SYT9: variants seen among roughly 807,000 people sequenced by gnomAD.
The protein encoded by SYT9 is synaptotagmin-9.
SYT9 carries 22 observed loss-of-function variants against 48.4 expected under a neutral mutation model. That is an observed-to-expected ratio of 0.45 (90% confidence interval 0.32 to 0.65). SYT9 has a LOEUF of 0.65. Ranked by LOEUF, SYT9 falls within the 30% of genes least tolerant of loss-of-function variation. The pLI, the probability that SYT9 is intolerant of heterozygous loss-of-function variation, is 0.03. For missense variants in SYT9, 577 were observed against 622.0 expected (o/e 0.93, Z 0.77); for synonymous variants, 265 against 245.0 (o/e 1.08, Z -0.76).
chr11:7,341,649 T>A (rs1445787401), intron 3 of SYT9, among the ~76,000 whole-genome samples: 3 of 152,090 alleles, frequency 2.0e-5, no homozygotes, highest in Admixed American at 2.0e-4. Context: ...AGTATGAAAA[T>A]GGACTAAGAC....
chr11:7,466,392 T>C (rs1848335234), intron 6 of SYT9, among the ~76,000 whole-genome samples: 1 of 152,142 alleles, frequency 6.6e-6, no homozygotes, highest in Non-Finnish European at 1.5e-5. Flanking sequence ...CCCCAGCATC[T>C]ATTACCATGC....
chr11:7,452,778 C>T (rs1848078482), intron 6 of SYT9, among the ~76,000 whole-genome samples: 1 of 151,942 alleles, frequency 6.6e-6, no homozygotes, highest in Non-Finnish European at 1.5e-5. Flanking sequence ...GAACAGAAAA[C>T]CTAACCCAAA....
chr11:7,464,986 G>T (rs1434054934), intron 6 of SYT9, among the ~76,000 whole-genome samples: 1 of 151,886 alleles, frequency 6.6e-6, no homozygotes, highest in Non-Finnish European at 1.5e-5. Context: ...TACTCAGGAG[G>T]CTGAGGCAGG....
At chr11:7,373,788 A>C (rs1185257955) in intron 3 of SYT9, among the ~76,000 whole-genome samples, 1 of 152,032 alleles carries the variant, frequency 6.6e-6, no homozygotes, top group Admixed American at 6.6e-5. Flanking sequence ...GAAAGCCTTA[A>C]ATTTTCTCTG....
At chr11:7,387,654 A>G (rs998448685) in intron 3 of SYT9, among the ~76,000 whole-genome samples, 6 of 151,932 alleles carry the variant, frequency 3.9e-5, no homozygotes, top group Admixed American at 2.6e-4. Flanking sequence ...AAAGCTTTCA[A>G]CATTTCACTA....
At chr11:7,240,317 GT>G (rs1847727903) in intron 1 of SYT9, among the ~76,000 whole-genome samples, 1 of 152,068 alleles carries the variant, frequency 6.6e-6, no homozygotes, top group Non-Finnish European at 1.5e-5. Flanking sequence ...TGTGTTTGAA[GT>G]TTCATATAGC....
At chr11:7,401,839 T>C (rs1846899130) in intron 3 of SYT9, among the ~76,000 whole-genome samples, 1 of 151,836 alleles carries the variant, frequency 6.6e-6, no homozygotes, top group Non-Finnish European at 1.5e-5. Context: ...TTATGTTTTA[T>C]TGGTTTTGCC....
At chr11:7,447,879 G>C (rs1205697311) in intron 6 of SYT9, among the ~76,000 whole-genome samples, 1 of 152,248 alleles carries the variant, frequency 6.6e-6, no homozygotes, top group Non-Finnish European at 1.5e-5. Context: ...ATGAGAGCAA[G>C]AGGGTGGGTT....
At chr11:7,382,350 G>A (rs531564719) in intron 3 of SYT9, among the ~76,000 whole-genome samples, 1 of 152,292 alleles carries the variant, frequency 6.6e-6, no homozygotes, top group African/African-American at 2.4e-5. Context: ...ACTTGCAGAT[G>A]TGGGAAGCTG....
intron 3 of SYT9, among the ~76,000 whole-genome samples, chr11:7,364,666 C>T (rs1850208233): frequency 6.6e-6 from 1 of 152,180 alleles, no homozygotes; most frequent in Non-Finnish European, 1.5e-5. Context: ...GTTGGAAATT[C>T]TCTGCTGTCT....
chr11:7,260,862 T>C (rs1412946929), intron 1 of SYT9, among the ~76,000 whole-genome samples: 1 of 152,232 alleles, frequency 6.6e-6, no homozygotes, highest in Non-Finnish European at 1.5e-5. Flanking sequence ...ATTCCAGATA[T>C]AATTCCTGAC....
At position 7,303,398 on chromosome 11, in the gene SYT9, A is replaced by G. The variant is rs1293107573; in HGVS notation, c.497+8A>G. On this transcript the variant is annotated splice_region_variant and intron_variant, in intron 2 of 6. Coordinates refer to ENST00000318881, the MANE Select transcript of SYT9 (RefSeq NM_175733.4). ...GCCAACCTCGTCGGCCCGGTCAGTA[A>G]TGCCTTCTCCTTTCTGAATGCAAGG... 1 of 1,595,818 alleles carries G rather than the reference A, an allele frequency of 6.3e-7. No homozygotes were observed. The highest frequency in any genetic ancestry group is 1.3e-5 in the African/African-American group (1 of 74,610).
intron 3 of SYT9, among the ~76,000 whole-genome samples, chr11:7,385,947 A>G (rs1176038131): frequency 1.3e-5 from 2 of 152,226 alleles, no homozygotes; most frequent in East Asian, 1.9e-4. Flanking sequence ...TAGCCTGTAG[A>G]TAAGTCTGGG....
chr11:7,383,963 A>G (rs745839090), intron 3 of SYT9, among the ~76,000 whole-genome samples: 8 of 152,058 alleles, frequency 5.3e-5, no homozygotes, highest in Non-Finnish European at 1.0e-4. Context: ...ATATGCTTCC[A>G]TATTTTATAT....
rs2134165317 is a variant in SYT9, at chr11:7,468,627, G to T, written c.*1827G>T. On this transcript the variant is annotated 3_prime_UTR_variant, in exon 7 of 7. Coordinates refer to ENST00000318881, the MANE Select transcript of SYT9 (RefSeq NM_175733.4). Reference sequence around the variant, plus strand: ...GCTAGGCAGATGAGCCCAGAAGAATGGTCCCAGAGAAAGCAGACTGGCTCC... The same window carrying T: ...GCTAGGCAGATGAGCCCAGAAGAATTGTCCCAGAGAAAGCAGACTGGCTCC... 1 of 257,610 alleles carries T rather than the reference G, an allele frequency of 3.9e-6. No homozygotes were observed. The highest frequency in any genetic ancestry group is 7.2e-5 in the East Asian group (1 of 13,906). 16.0% of individuals were successfully genotyped at this position (257,610 alleles called of 1,614,324 possible).
intron 1 of SYT9, among the ~76,000 whole-genome samples, chr11:7,286,694 A>G (rs1400199568): frequency 6.6e-6 from 1 of 152,188 alleles, no homozygotes. Flanking sequence ...TTATTCCACC[A>G]GATACCCTAA....
Position 7,252,172 on chromosome 11 carries a change from G to A in SYT9, c.-15G>A. 7.0e-7 allele frequency: 1 copy of A among 1,433,614 alleles called. No individual in the cohort carries two copies. Among genetic ancestry groups the A allele is most frequent in the Non-Finnish European group, 9.1e-7 (1 of 1,096,438 alleles). The allele number at this position is 1,433,614 out of a possible 1,614,324, so 88.8% of individuals were successfully genotyped here. On this transcript the variant is annotated 5_prime_UTR_variant, in exon 1 of 7. Transcript: ENST00000318881. The surrounding 1 kb of genome is among the most constrained non-coding windows in gnomAD (Gnocchi z 6.3). ...CGCCCGCCTGCCCGGCGCGGTCCGA[G>A]GATGCGGGGGGGCGATGCCCGGGGC...
intron 3 of SYT9, among the ~76,000 whole-genome samples, chr11:7,342,139 C>A (rs1211924258): frequency 1.3e-5 from 2 of 152,128 alleles, no homozygotes; most frequent in Non-Finnish European, 2.9e-5. Flanking sequence ...TGAGAGGGGA[C>A]ACAGAGCCAA....
chr11:7,328,884 TC>T (rs1849481774), intron 3 of SYT9, among the ~76,000 whole-genome samples: 1 of 152,214 alleles, frequency 6.6e-6, no homozygotes, highest in African/African-American at 2.4e-5. Flanking sequence ...TAATTTTTTT[TC>T]TCAGTATCTA....
Sources: gnomAD v4.1 joint callset for allele counts (sites outside exome capture counted in the v4.1 genomes callset) on GRCh38, gnomAD v4.1.1 for gene constraint, Gnocchi (gnomAD v3.1) non-coding constraint, MANE v1.5 for transcripts, NCBI Gene and HGNC (gene_info 2026-07-23, HGNC 2026-07-21) for gene names.